Variants in PLPP7 observed in about 807,000 individuals in gnomAD.
PLPP7 encodes phospholipid phosphatase 7 (inactive), also known as inactive phospholipid phosphatase 7.
PLPP7 carries 11 observed loss-of-function variants against 16.9 expected under a neutral mutation model. That is an observed-to-expected ratio of 0.65 (90% CI 0.41 to 1.08). The LOEUF (loss-of-function observed/expected upper bound fraction) is 1.08. Among genes scored for constraint, PLPP7 ranks in the 50% least tolerant of loss-of-function variants. PLPP7 has a pLI of 0.00. For missense variants in PLPP7, 358 were observed against 397.1 expected (o/e 0.90, Z 0.84); for synonymous variants, 174 against 175.1 (o/e 0.99, Z 0.05).
intron 1 of PLPP7, among the ~76,000 whole-genome samples, chr9:131,307,551 C>CA (rs57469502): frequency 0.015 from 922 of 60,542 alleles, 15 homozygotes; most frequent in African/African-American, 0.031. Flanking sequence ...AACTCTGTCT[C>CA]AAAAAAAAAA....
intron 1 of PLPP7, among the ~76,000 whole-genome samples, chr9:131,305,372 G>A (rs1470689077): frequency 6.8e-6 from 1 of 146,448 alleles, no homozygotes; most frequent in Admixed American, 7.0e-5. Context: ...CAGCAAAGTG[G>A]GATGCCCATC....
rs1835730183 is a variant in PLPP7 at position 131,295,803 on chromosome 9, G to A, written c.451+5355G>A. 6.6e-6 allele frequency among the ~76,000 whole-genome samples: 1 copy of A among 152,068 alleles called. No individual in the cohort carries two copies. The highest frequency in any genetic ancestry group is 2.4e-5 in the African/African-American group (1 of 41,398). On this transcript the variant is annotated intron_variant, in intron 1 of 1. Coordinates refer to ENST00000372264, the MANE Select transcript of PLPP7 (RefSeq NM_032728.4). This position sits in a 1 kb window ranked among gnomAD's most constrained non-coding sequence, Gnocchi z 4.0. ...ATTTCATTTAGCATGATATCCTCGAGGTCCATCCATGCTGTAGCGGGCGCC... is the reference window on the plus strand; with the variant it reads ...ATTTCATTTAGCATGATATCCTCGAAGTCCATCCATGCTGTAGCGGGCGCC...
chr9:131,308,360 G>A lies in PLPP7; in HGVS notation c.*73G>A. 1 of 1,482,554 alleles carries A rather than the reference G, an allele frequency of 6.7e-7. No homozygotes were observed. The highest frequency in any genetic ancestry group is 1.3e-5 in the South Asian group (1 of 74,500). 91.8% of individuals were successfully genotyped at this position (1,482,554 alleles called of 1,614,324 possible). On this transcript the variant is annotated 3_prime_UTR_variant, in exon 2 of 2. Coordinates refer to ENST00000372264, the MANE Select transcript of PLPP7 (RefSeq NM_032728.4). ...AGAAGGGGCAGGGGGTGGCGAGGTG[G>A]CGGGCGTGGGTGGAACAGAGCGGCC...
At chr9:131,300,001 A>C (rs1193417780) in intron 1 of PLPP7, among the ~76,000 whole-genome samples, 1 of 152,248 alleles carries the variant, frequency 6.6e-6, no homozygotes, top group Non-Finnish European at 1.5e-5. Context: ...ACAGCTTCCC[A>C]AAGGCACAGC....
chr9:131,293,477 C>T (rs1835704541), intron 1 of PLPP7, among the ~76,000 whole-genome samples: 1 of 152,202 alleles, frequency 6.6e-6, no homozygotes, highest in Admixed American at 6.5e-5. Context: ...GAGAAAATTG[C>T]AGCAAATGGC....
At chr9:131,294,433 G>A (rs1430896063) in intron 1 of PLPP7, among the ~76,000 whole-genome samples, 1 of 152,102 alleles carries the variant, frequency 6.6e-6, no homozygotes, top group East Asian at 1.9e-4. Flanking sequence ...CCTCCTGCCA[G>A]GTACCTTCCA....
chr9:131,292,395 G>C (rs1835688359), intron 1 of PLPP7, among the ~76,000 whole-genome samples: 1 of 152,180 alleles, frequency 6.6e-6, no homozygotes, highest in Non-Finnish European at 1.5e-5. Flanking sequence ...CCGTGTTCCA[G>C]GGCTTTGCAT....
rs111466019 is a variant in PLPP7 at position 131,297,499 on chromosome 9, C to T, written c.451+7051C>T. On this transcript the variant is annotated intron_variant, in intron 1 of 1. Transcript: ENST00000372264. ...CCCCCAAGTTCAAGTGATTCTCCTG[C>T]CTCAGCCTCCTGGGTAGCTGGGATT... Among the ~76,000 whole-genome samples, 207 of 152,056 alleles carry T rather than the reference C, an allele frequency of 1.4e-3. 2 individuals are homozygous for T. Among genetic ancestry groups the T allele is most frequent in the African/African-American group, 4.8e-3 (199 of 41,454 alleles).
rs367916447 is a variant in PLPP7 at position 131,290,405 on chromosome 9, C to T, written c.408C>T (p.Ser136=). The T allele has an allele frequency of 1.1e-5, 17 of 1,579,862 alleles. No individual in the cohort carries two copies. The African/African-American group carries it at 1.9e-4, about 17-fold the overall frequency. The change falls in exon 1 of 2, where the codon AGC becomes AGT. Residue 136 remains serine (S), a synonymous_variant. Transcript: ENST00000372264. This position sits in a 1 kb window ranked among gnomAD's most constrained non-coding sequence, Gnocchi z 4.2. ...GCACCATCCTCTGCCTGGTGAAGAG[C>T]AGCACACTGGCCGGCCAGGAGGTGC... ...IGGTILCLVK[S]STLAGQEVLM... is the part of the protein sequence containing the mutation.
rs1300989758 is a variant in PLPP7 at position 131,290,249 on chromosome 9, C to T, written c.252C>T (p.Ser84=). 1 of 1,611,502 alleles carries T rather than the reference C, an allele frequency of 6.2e-7. No individual in the cohort carries two copies. The highest frequency in any genetic ancestry group is 1.3e-5 in the African/African-American group (1 of 74,910). ...NPSFKGIAFN[S]LLAIDICMSK... Reference sequence around the variant, plus strand: ...CCTTCAAGGGCATCGCCTTCAACTCCCTGCTGGCCATCGATATCTGTATGT... The same window carrying T: ...CCTTCAAGGGCATCGCCTTCAACTCTCTGCTGGCCATCGATATCTGTATGT... The change falls in exon 1 of 2, where the codon TCC becomes TCT. Residue 84 remains serine (S), a synonymous_variant. Transcript: ENST00000372264. The surrounding 1 kb of genome is among the most constrained non-coding windows in gnomAD (Gnocchi z 4.2).
chr9:131,294,097 T>A (rs1835710283), intron 1 of PLPP7, among the ~76,000 whole-genome samples: 1 of 152,168 alleles, frequency 6.6e-6, no homozygotes, highest in African/African-American at 2.4e-5. Flanking sequence ...AGCAGTCCCA[T>A]GCCCTCCCTG....
chr9:131,293,080 G>A (rs1045901807), intron 1 of PLPP7: 1 of 559,104 alleles, frequency 1.8e-6, no homozygotes, highest in African/African-American at 2.0e-5. Context: ...ACCTTTCAAG[G>A]TAAATATTAA....
chr9:131,301,652 A>G (rs1835799195), intron 1 of PLPP7, among the ~76,000 whole-genome samples: 1 of 152,120 alleles, frequency 6.6e-6, no homozygotes, highest in African/African-American at 2.4e-5. Context: ...AGCCTCCCAC[A>G]GCTTCCCGGG....
In PLPP7 at chr9:131,308,676, C is replaced by G; in HGVS notation, c.*389C>G. On this transcript the variant is annotated 3_prime_UTR_variant, in exon 2 of 2. Coordinates refer to ENST00000372264, the MANE Select transcript of PLPP7 (RefSeq NM_032728.4). ...TGGCTGTGCCCATCACGCCACAGCA[C>G]GACGCCTGCCAAAATGCCCCCAACC... is the stretch of plus-strand genomic sequence containing the variant. 4.9e-6 allele frequency: 1 copy of G among 204,214 alleles called. No individual in the cohort carries two copies. The allele number at this position is 204,214 out of a possible 1,614,324, so 12.7% of individuals were successfully genotyped here.
rs1835694376 is a variant in PLPP7, at chr9:131,292,727, A to T, written c.451+2279A>T. The T allele has an allele frequency of 3.2e-6, 3 of 932,488 alleles. No homozygotes were observed. The African/African-American group carries it at 5.3e-5, about 17-fold the overall frequency. The allele number at this position is 932,488 out of a possible 1,614,324, so 57.8% of individuals were successfully genotyped here. Reference sequence around the variant, plus strand: ...GGGTGAGCTCCCCGTGGTAGGAGGTATGCAAGCAAGCTGCCTCACATCACC... The same window carrying T: ...GGGTGAGCTCCCCGTGGTAGGAGGTTTGCAAGCAAGCTGCCTCACATCACC... On this transcript the variant is annotated intron_variant, in intron 1 of 1. Transcript: ENST00000372264.
At chr9:131,292,720 A>G (rs1024016206) in intron 1 of PLPP7, 4 of 873,608 alleles carry the variant, frequency 4.6e-6, no homozygotes, top group South Asian at 5.3e-5. Flanking sequence ...TCCCCGTGGT[A>G]GGAGGTATGC....
rs1006347521 is a variant in PLPP7, at chr9:131,290,907, C to T, written c.451+459C>T. 1.3e-5 allele frequency among the ~76,000 whole-genome samples: 2 copies of T among 152,134 alleles called. No individual in the cohort carries two copies. On this transcript the variant is annotated intron_variant, in intron 1 of 1. Coordinates refer to ENST00000372264, the MANE Select transcript of PLPP7 (RefSeq NM_032728.4). The surrounding 1 kb of genome is among the most constrained non-coding windows in gnomAD (Gnocchi z 4.2). ...CGTGAGCTGCCCCATGAGCACCTCCCGCCTCGGTTCAGGAACCGGGAAAGC... is the reference window on the plus strand; with the variant it reads ...CGTGAGCTGCCCCATGAGCACCTCCTGCCTCGGTTCAGGAACCGGGAAAGC...
chr9:131,292,776 T>A (rs1177848816), intron 1 of PLPP7: 4 of 985,094 alleles, frequency 4.1e-6, no homozygotes, highest in Non-Finnish European at 4.8e-6. Context: ...CTGCTTTGTT[T>A]TTTTTTTACA....
rs1411958842 is a variant in PLPP7, at chr9:131,290,449, G to A, written c.451+1G>A. The A allele has an allele frequency of 1.3e-6, 2 of 1,505,252 alleles. No homozygotes were observed. The highest frequency in any genetic ancestry group is 2.8e-5 in the African/African-American group (2 of 72,438). The allele number at this position is 1,505,252 out of a possible 1,614,324, so 93.2% of individuals were successfully genotyped here. ...GAGGTGCTCATGAATCTGCTCCTGG[G>A]TGAGTGTGCCTGCCGCCCGCCACTC... On this transcript the variant is annotated splice_donor_variant, in intron 1 of 1. Coordinates refer to ENST00000372264, the MANE Select transcript of PLPP7 (RefSeq NM_032728.4). LOFTEE classifies it high-confidence loss of function. The surrounding 1 kb of genome is among the most constrained non-coding windows in gnomAD (Gnocchi z 4.2).
Sources: gnomAD v4.1 joint callset for allele counts (sites outside exome capture counted in the v4.1 genomes callset) on GRCh38, gnomAD v4.1.1 for gene constraint, Gnocchi (gnomAD v3.1) non-coding constraint, MANE v1.5 for transcripts, NCBI Gene and HGNC (gene_info 2026-07-23, HGNC 2026-07-21) for gene names.